The following MYZAP variants were observed in gnomAD, a reference collection of about 807,000 sequenced individuals.
The protein encoded by MYZAP is GRINL1A complex locus upstream.
In MYZAP, 66 loss-of-function variants were observed where a neutral mutation model predicts 69.4. The observed-to-expected ratio is 0.95, with a 90% CI of 0.78 to 1.17. The LOEUF (loss-of-function observed/expected upper bound fraction) is 1.17, where lower values mean the gene tolerates loss of function less well. MYZAP is among the 50% of genes most tolerant of loss of function. The probability of loss-of-function intolerance (pLI) is 0.00; values close to 1 mark genes in which losing one functional copy is unlikely to be tolerated. For synonymous variants in MYZAP, 256 were observed against 205.9 expected (o/e 1.24, Z -2.09); for missense variants, 611 against 556.2 (o/e 1.10, Z -0.99).
chr15:57,640,150 C>CT (rs1595898386), intron 10 of MYZAP, among the ~76,000 whole-genome samples: 1 of 152,170 alleles, frequency 6.6e-6, no homozygotes, highest in South Asian at 2.1e-4. Flanking sequence ...TTACTATTCT[C>CT]TTTTTTCTAA....
At chr15:57,676,132 TA>T in intron 12 of MYZAP, among the ~76,000 whole-genome samples, 1 of 152,120 alleles carries the variant, frequency 6.6e-6, no homozygotes, top group East Asian at 1.9e-4. Context: ...TCTCAACTTC[TA>T]AAGTCAGTGA....
intron 2 of MYZAP, among the ~76,000 whole-genome samples, chr15:57,609,830 A>T (rs1322837120): frequency 6.6e-6 from 1 of 152,226 alleles, no homozygotes; most frequent in Non-Finnish European, 1.5e-5. Context: ...ATTCAAATTA[A>T]AATTGGTAAT....
At chr15:57,636,999 C>G (rs1407661692) in intron 8 of MYZAP, among the ~76,000 whole-genome samples, 6 of 152,202 alleles carry the variant, frequency 3.9e-5, no homozygotes, top group African/African-American at 1.4e-4. Context: ...TGGAGGCCAC[C>G]TGTACTCCTC....
Position 57,661,542 on chromosome 15 carries a change from C to G in MYZAP, c.1203+9C>G. 6.2e-7 allele frequency: 1 copy of G among 1,603,164 alleles called. No individual in the cohort carries two copies. The highest frequency in any genetic ancestry group is 8.5e-7 in the Non-Finnish European group (1 of 1,175,430). ...CTTTCTTAGAAGGAGAGGTAAGGAT[C>G]TCTGTTTCTTTAAGTTGGTGTCTTC... On this transcript the variant is annotated intron_variant, in intron 11 of 12. Coordinates refer to ENST00000267853, the MANE Select transcript of MYZAP (RefSeq NM_001018100.5).
intron 8 of MYZAP, among the ~76,000 whole-genome samples, chr15:57,633,949 T>C (rs1177248019): frequency 1.3e-5 from 2 of 152,188 alleles, no homozygotes; most frequent in African/African-American, 2.4e-5. Context: ...TTTTAAAAAA[T>C]ATTACTTGTG....
chr15:57,628,944 G>T (rs557914102), intron 5 of MYZAP, among the ~76,000 whole-genome samples: 1 of 151,968 alleles, frequency 6.6e-6, no homozygotes, highest in African/African-American at 2.4e-5. Flanking sequence ...TTAGCCAGGC[G>T]TGGTGGCAGG....
chr15:57,665,240 G>A (rs989834596), intron 11 of MYZAP, among the ~76,000 whole-genome samples: 1 of 152,238 alleles, frequency 6.6e-6, no homozygotes, highest in African/African-American at 2.4e-5. Flanking sequence ...TTTGCCTGCA[G>A]CAACCTGAAA....
chr15:57,606,317 C>A (rs965265302), intron 2 of MYZAP, among the ~76,000 whole-genome samples: 1 of 152,050 alleles, frequency 6.6e-6, no homozygotes, highest in South Asian at 2.1e-4. Flanking sequence ...AATATTCATG[C>A]CAAACTTGTT....
At chr15:57,671,019 A>G (rs1236210876) in intron 11 of MYZAP, among the ~76,000 whole-genome samples, 5 of 152,132 alleles carry the variant, frequency 3.3e-5, no homozygotes, top group Admixed American at 3.3e-4. Context: ...GAGAAACTAG[A>G]TTCTTTCATA....
chr15:57,633,705 C>G lies in MYZAP; in HGVS notation c.897C>G (p.Ile299Met). The change falls in exon 8 of 13, where the codon ATC becomes ATG. Residue 299 changes from isoleucine to methionine, a missense_variant. By Grantham distance (10) the Ile-to-Met change is conservative. Transcript: ENST00000267853. ...EISLEEKDQR[I>M]GELDRLIERM... ...GCCTAGAGGAGAAAGACCAGAGGATCGGGGAGCTGGACAGGCTGATTGAGC... is the reference window on the plus strand; with the variant it reads ...GCCTAGAGGAGAAAGACCAGAGGATGGGGGAGCTGGACAGGCTGATTGAGC... 1 of 1,612,308 alleles carries G rather than the reference C, an allele frequency of 6.2e-7. No individual in the cohort carries two copies. The highest frequency in any genetic ancestry group is 8.5e-7 in the Non-Finnish European group (1 of 1,179,174).
chr15:57,602,896 T>C (rs1162508542), intron 1 of MYZAP, among the ~76,000 whole-genome samples: 1 of 152,228 alleles, frequency 6.6e-6, no homozygotes, highest in Non-Finnish European at 1.5e-5. Flanking sequence ...CTATTACTAT[T>C]ATTACTGTTA....
chr15:57,682,314 T>G (rs1024298426), intron 12 of MYZAP, among the ~76,000 whole-genome samples: 4 of 152,306 alleles, frequency 2.6e-5, no homozygotes, highest in Non-Finnish European at 2.9e-5. Flanking sequence ...TCTGCCTGTT[T>G]AGTCACATGG....
chr15:57,672,070 A>C (rs1476645251), intron 11 of MYZAP, among the ~76,000 whole-genome samples: 1 of 152,238 alleles, frequency 6.6e-6, no homozygotes, highest in Non-Finnish European at 1.5e-5. Flanking sequence ...TTCTTTAAAC[A>C]TTAGCTGCAA....
chr15:57,678,851 C>G (rs1425773569), intron 12 of MYZAP, among the ~76,000 whole-genome samples: 3 of 151,696 alleles, frequency 2.0e-5, no homozygotes, highest in Non-Finnish European at 2.9e-5. Flanking sequence ...TAGAGCTGCT[C>G]TACTTTTTTT....
chr15:57,678,855 T>A (rs1168675254), intron 12 of MYZAP, among the ~76,000 whole-genome samples: 1 of 147,310 alleles, frequency 6.8e-6, no homozygotes, highest in East Asian at 2.0e-4. Context: ...GCTGCTCTAC[T>A]TTTTTTTTTG....
chr15:57,640,038 C>T (rs1281326517), intron 10 of MYZAP, among the ~76,000 whole-genome samples: 3 of 152,112 alleles, frequency 2.0e-5, no homozygotes, highest in Non-Finnish European at 4.4e-5. Flanking sequence ...GTTCTCTTCT[C>T]CCACTCCTGC....
chr15:57,617,365 C>T (rs567729377), intron 2 of MYZAP, among the ~76,000 whole-genome samples: 1 of 152,228 alleles, frequency 6.6e-6, no homozygotes, highest in Non-Finnish European at 1.5e-5. Flanking sequence ...CGTGTTAAGG[C>T]TTGGACATGT....
chr15:57,682,651 C>T (rs1269448436), intron 12 of MYZAP, among the ~76,000 whole-genome samples: 1 of 152,166 alleles, frequency 6.6e-6, no homozygotes, highest in African/African-American at 2.4e-5. Flanking sequence ...CTGTAGTTCC[C>T]TGTCCCCTTC....
chr15:57,668,807 T>C (rs2038720326), intron 11 of MYZAP, among the ~76,000 whole-genome samples: 1 of 151,748 alleles, frequency 6.6e-6, no homozygotes, highest in Admixed American at 6.6e-5. Context: ...GTCAGATGTA[T>C]GTGCTATGAA....
Sources: gnomAD v4.1 joint callset for allele counts (sites outside exome capture counted in the v4.1 genomes callset) on GRCh38, gnomAD v4.1.1 for gene constraint, MANE v1.5 for transcripts, NCBI Gene and HGNC (gene_info 2026-07-23, HGNC 2026-07-21) for gene names.